ATP2C2: variants seen among roughly 807,000 people sequenced by gnomAD.
ATP2C2 encodes calcium-transporting ATPase type 2C member 2.
Under a neutral mutation model 110.8 loss-of-function variants are expected in ATP2C2, and 171 were observed. The ratio of observed to expected loss-of-function variants is 1.54; its 90% CI spans 1.36 to 1.75. The LOEUF is 1.75. Ranked by LOEUF, ATP2C2 falls within the 40% of genes most tolerant of loss-of-function variation. ATP2C2 has a pLI of 0.00. For synonymous variants in ATP2C2, 804 were observed against 508.4 expected (o/e 1.58, Z -7.82); for missense variants, 1,963 against 1,235.0 (o/e 1.59, Z -8.84).
rs748371936 is a variant in ATP2C2, at chr16:84,408,456, C to G, written c.379C>G (p.Leu127Val). The change falls in exon 4 of 27, where the codon CTC (leucine) becomes GTC (valine). Residue 127 changes from leucine (L) to valine (V), a missense_variant. Physicochemically the swap from Leu to Val is conservative, Grantham distance 32 (BLOSUM62 1). Coordinates refer to ENST00000262429, the MANE Select transcript of ATP2C2 (RefSeq NM_014861.4). ...GCTGGGCTCTGCCCTGGTGAGTGTC[C>G]TCACCAAGGAGTATGAGGACGCCGT... ...LLLGSALVSV[L>V]TKEYEDAVSI... 3.1e-6 allele frequency: 5 copies of G among 1,613,758 alleles called. No homozygotes were observed. In the South Asian group the frequency reaches 4.4e-5, roughly 14 times the overall value.
In ATP2C2 at chr16:84,463,623, T is replaced by A. The variant is rs781116915; in HGVS notation, c.2732T>A (p.Phe911Tyr). 6.2e-7 allele frequency: 1 copy of A among 1,613,960 alleles called. No homozygotes were observed. The highest frequency in any genetic ancestry group is 2.2e-5 in the East Asian group (1 of 44,876). ...TENLGALDLL[F>Y]LTGLASSVFI... ...TTTTCTCCCTTGGCAGATTTGCTGTTTTTAACTGGATTGGCCTCATCCGTC... is the reference window on the plus strand; with the variant it reads ...TTTTCTCCCTTGGCAGATTTGCTGTATTTAACTGGATTGGCCTCATCCGTC... The change falls in exon 27 of 27, where the codon TTT becomes TAT. Residue 911 changes from phenylalanine (F) to tyrosine (Y), a missense_variant. Phe to Tyr is a conservative substitution (Grantham distance 22, BLOSUM62 3). Transcript: ENST00000262429.
chr16:84,392,023 A>G (rs182353430), intron 1 of ATP2C2, among the ~76,000 whole-genome samples: 1 of 151,760 alleles, frequency 6.6e-6, no homozygotes, highest in Non-Finnish European at 1.5e-5. Flanking sequence ...GTCAAATCAT[A>G]TAACACCTCT....
chr16:84,440,251 G>T (rs11149655), intron 13 of ATP2C2, among the ~76,000 whole-genome samples: 1 of 152,168 alleles, frequency 6.6e-6, no homozygotes, highest in East Asian at 1.9e-4. Flanking sequence ...TCCCACCTCA[G>T]CCTCCCAAGT....
At chr16:84,460,903 G>C (rs949549045) in intron 24 of ATP2C2, 102 bp downstream of exon 24, 3 of 1,432,726 alleles carry the variant, frequency 2.1e-6, no homozygotes, top group African/African-American at 1.4e-5. Context: ...TCTGGGAGAG[G>C]CAAACATGTA....
At chr16:84,372,170 G>C (rs71386830) in intron 1 of ATP2C2, among the ~76,000 whole-genome samples, 2 of 152,132 alleles carry the variant, frequency 1.3e-5, no homozygotes, top group Non-Finnish European at 2.9e-5. Flanking sequence ...GTGGGGGATC[G>C]TTGAAGGGTT....
rs1909020799 is a variant in ATP2C2, at chr16:84,439,271, A to T, written c.1092A>T (p.Leu364Phe). The part of the protein sequence containing the change: ...MAKKRVIVKK[L>F]PIVETLGCCS... ...AGAAGCGGGTCATCGTGAAGAAGTTACCCATCGTGGAGACTTTAGGTGAGG... is the reference window on the plus strand; with the variant it reads ...AGAAGCGGGTCATCGTGAAGAAGTTTCCCATCGTGGAGACTTTAGGTGAGG... Residue 364 changes from leucine (L) to phenylalanine (F), a missense_variant, in exon 12 of 27, where the codon TTA becomes TTT. Coordinates refer to ENST00000262429, the MANE Select transcript of ATP2C2 (RefSeq NM_014861.4). The T allele has an allele frequency of 6.2e-7, 1 of 1,612,602 alleles. No individual in the cohort carries two copies. Among genetic ancestry groups the T allele is most frequent in the Non-Finnish European group, 8.5e-7 (1 of 1,180,034 alleles).
Position 84,439,410 on chromosome 16 carries a change from G to A in ATP2C2, c.1112-17G>A. The A allele has an allele frequency of 6.2e-7, 1 of 1,613,802 alleles. No individual in the cohort carries two copies. The highest frequency in any genetic ancestry group is 8.5e-7 in the Non-Finnish European group (1 of 1,179,830). On this transcript the variant is annotated splice_polypyrimidine_tract_variant and intron_variant, in intron 12 of 26. Transcript: ENST00000262429. Reference sequence around the variant, plus strand: ...GATGGCAACTTCTCTTCTATAAACTGGTGTTTGTTGTACCAGGTTGCTGCA... The same window carrying A: ...GATGGCAACTTCTCTTCTATAAACTAGTGTTTGTTGTACCAGGTTGCTGCA...
rs1295701025 is a variant in ATP2C2, at chr16:84,462,147, G to C, written c.2722+18G>C. ...AGCGCTTGGTGAGTGGTGGGGACGG[G>C]AACGACAGGTGACCTCGACCAGGGC... is the stretch of plus-strand genomic sequence containing the variant. On this transcript the variant is annotated intron_variant, in intron 26 of 26. Coordinates refer to ENST00000262429, the MANE Select transcript of ATP2C2 (RefSeq NM_014861.4). 3 of 1,607,192 alleles carry C rather than the reference G, an allele frequency of 1.9e-6. No homozygotes were observed. Among genetic ancestry groups the C allele is most frequent in the Non-Finnish European group, 2.6e-6 (3 of 1,175,402 alleles).
At position 84,460,732 on chromosome 16, in the gene ATP2C2, C is replaced by A; in HGVS notation, c.2412C>A (p.Ala804=). ...RSVRDTILSR[A]LILKILMSAA... is the part of the protein sequence containing the mutation. ...TGCGGGACACCATCCTCAGCAGAGC[C>A]CTCATCCTGAAGATCCTCATGTCCG... Residue 804 remains alanine, a synonymous_variant, in exon 24 of 27, where the codon GCC becomes GCA. Coordinates refer to ENST00000262429, the MANE Select transcript of ATP2C2 (RefSeq NM_014861.4). The A allele has an allele frequency of 6.2e-7, 1 of 1,614,156 alleles. No individual in the cohort carries two copies. The highest frequency in any genetic ancestry group is 1.3e-5 in the African/African-American group (1 of 75,046).
intron 15 of ATP2C2, 115 bp from the exon 16 acceptor site, chr16:84,446,214 T>G: frequency 2.0e-6 from 1 of 510,854 alleles, no homozygotes. Context: ...GCTAAATGCT[T>G]GGATTTCTTA....
rs188291363 is a variant in ATP2C2 at position 84,390,635 on chromosome 16, G to C, written c.100-7864G>C. Among the ~76,000 whole-genome samples the C allele has an allele frequency of 1.5e-3, 225 of 152,286 alleles. 3 individuals carry two copies. The highest frequency in any genetic ancestry group is 6.0e-4 in the Non-Finnish European group (41 of 68,022). ...GTTCCGGAGGCTGGAAAGGGCGTGG[G>C]GAGTGCCTGCTTCCTGGGCACAGGA... On this transcript the variant is annotated intron_variant, in intron 1 of 26. Transcript: ENST00000262429.
chr16:84,410,555 G>GT lies in ATP2C2; in HGVS notation c.418-10dup. On this transcript the variant is annotated splice_polypyrimidine_tract_variant and intron_variant, in intron 4 of 26. Transcript: ENST00000262429. The stretch of plus-strand genomic sequence containing the variant: ...GCCTCTGGTACTGACACCCTCCTCC[G>GT]TTTGCTGTCTAGGCAGTGCTTGTCG... 6.2e-7 allele frequency: 1 copy of GT among 1,613,670 alleles called. No individual in the cohort carries two copies. Among genetic ancestry groups the GT allele is most frequent in the Middle Eastern group, 1.7e-4 (1 of 5,902 alleles).
Position 84,451,931 on chromosome 16 carries a change from G to A in ATP2C2, c.1671G>A (p.Leu557=). 6.2e-7 allele frequency: 1 copy of A among 1,614,002 alleles called. No individual in the cohort carries two copies. Among genetic ancestry groups the A allele is most frequent in the Non-Finnish European group, 8.5e-7 (1 of 1,179,984 alleles). Reference sequence around the variant, plus strand: ...CCCCTCTCTCCTCAGTGCTGGCCCTGGCTTCTGGGCCCGAGCTGGGGCGGC... The same window carrying A: ...CCCCTCTCTCCTCAGTGCTGGCCCTAGCTTCTGGGCCCGAGCTGGGGCGGC... ...MGSLGLRVLA[L]ASGPELGRLT... is the part of the protein sequence containing the mutation. Residue 557 remains leucine, a synonymous_variant, in exon 18 of 27, where the codon CTG becomes CTA. Coordinates refer to ENST00000262429, the MANE Select transcript of ATP2C2 (RefSeq NM_014861.4).
intron 1 of ATP2C2, among the ~76,000 whole-genome samples, chr16:84,384,325 T>C (rs1904294110): frequency 1.3e-5 from 2 of 152,212 alleles, no homozygotes; most frequent in South Asian, 2.1e-4. Flanking sequence ...CGGGCTCAGA[T>C]TCCAGGCTCG....
chr16:84,453,154 G>C lies in ATP2C2; in HGVS notation c.1848G>C (p.Leu616=), dbSNP rs1555567695. 17 of 1,613,150 alleles carry C rather than the reference G, an allele frequency of 1.1e-5. No homozygotes were observed. Among genetic ancestry groups the C allele is most frequent in the Non-Finnish European group, 1.3e-5 (15 of 1,179,506 alleles). The change falls in exon 19 of 27, where the codon CTG becomes CTC. Residue 616 remains leucine, a synonymous_variant. Coordinates refer to ENST00000262429, the MANE Select transcript of ATP2C2 (RefSeq NM_014861.4). ...CTTCTGAAGGAAGAAACATCGGCCT[G>C]TGCAACGGGAAGCTGCAAGCCATGT... ...TALAIGRNIG[L]CNGKLQAMSG...
intron 9 of ATP2C2, 38 bp from the exon 10 acceptor site, chr16:84,423,150 G>A (rs1177981698): frequency 6.4e-7 from 1 of 1,569,992 alleles, no homozygotes; most frequent in East Asian, 2.2e-5. Flanking sequence ...CAGAAGCTAG[G>A]ATCTTGTCCA....
intron 15 of ATP2C2, among the ~76,000 whole-genome samples, chr16:84,445,143 T>TCTCTCACA (rs1202345241): frequency 2.0e-5 from 3 of 151,870 alleles, no homozygotes; most frequent in Non-Finnish European, 4.4e-5. Context: ...CCTGCCTTGG[T>TCTCTCACA]CTCTCACACC....
intron 10 of ATP2C2, among the ~76,000 whole-genome samples, chr16:84,423,902 C>T (rs1907573912): frequency 6.6e-6 from 1 of 152,198 alleles, no homozygotes; most frequent in Non-Finnish European, 1.5e-5. Flanking sequence ...TGACATGATG[C>T]TGCGGTTCTG....
intron 21 of ATP2C2, among the ~76,000 whole-genome samples, chr16:84,458,330 T>G (rs1338776056): frequency 7.4e-4 from 6 of 8,108 alleles, no homozygotes; most frequent in Admixed American, 6.3e-3. Flanking sequence ...AATATCACAC[T>G]CTGGGGACTG....
Sources: gnomAD v4.1 joint callset for allele counts (sites outside exome capture counted in the v4.1 genomes callset) on GRCh38, gnomAD v4.1.1 for gene constraint, MANE v1.5 for transcripts, NCBI Gene and HGNC (gene_info 2026-07-23, HGNC 2026-07-21) for gene names.